HSF2BP: variants seen among roughly 807,000 people sequenced by gnomAD.
The protein encoded by HSF2BP is heat shock factor 2-binding protein.
HSF2BP carries 35 observed loss-of-function variants against 35.0 expected under a neutral mutation model. That is an observed-to-expected ratio of 1.00 (90% CI 0.76 to 1.32). The LOEUF is 1.32. Among genes scored for constraint, HSF2BP ranks in the 40% most tolerant of loss-of-function variants. The pLI is 0.00. For synonymous variants in HSF2BP, 114 were observed against 117.4 expected (o/e 0.97, Z 0.18); for missense variants, 326 against 321.7 (o/e 1.01, Z -0.10).
chr21:43,579,309 C>A (rs950109772), intron 8 of HSF2BP, among the ~76,000 whole-genome samples: 2 of 152,158 alleles, frequency 1.3e-5, no homozygotes, highest in Non-Finnish European at 2.9e-5. Context: ...ATGAAGAATT[C>A]ATGCAGAGTT....
chr21:43,602,295 T>C (rs1234021921), intron 7 of HSF2BP, among the ~76,000 whole-genome samples: 1 of 152,214 alleles, frequency 6.6e-6, no homozygotes, highest in African/African-American at 2.4e-5. Context: ...CTTCGAAAAA[T>C]GCAATCTGCA....
intron 7 of HSF2BP, among the ~76,000 whole-genome samples, chr21:43,610,161 C>T (rs1321881949): frequency 6.6e-6 from 1 of 152,006 alleles, no homozygotes; most frequent in East Asian, 1.9e-4. Context: ...AAAGTGGGCA[C>T]AAGACACAGA....
In HSF2BP at chr21:43,597,449, A is replaced by G. The variant is rs1001115254; in HGVS notation, c.693-5121T>C. The stretch of plus-strand genomic sequence containing the variant: ...GGAGTATCAAAATGCCCAGTGGCCC[A>G]TATTTTTAAAAATGTAATGCAATAT... On this transcript the variant is annotated intron_variant, in intron 7 of 8. Transcript: ENST00000291560. The surrounding 1 kb of genome is among the most constrained non-coding windows in gnomAD (Gnocchi z 4.3). Among the ~76,000 whole-genome samples the G allele has an allele frequency of 1.3e-5, 2 of 152,204 alleles. No individual in the cohort carries two copies. The highest frequency in any genetic ancestry group is 2.9e-5 in the Non-Finnish European group (2 of 68,024).
At chr21:43,595,468 G>A (rs1051582672) in intron 7 of HSF2BP, among the ~76,000 whole-genome samples, 6 of 152,020 alleles carry the variant, frequency 3.9e-5, no homozygotes, top group Admixed American at 6.6e-5. Context: ...AGGTCAGCCT[G>A]GGCAACATGG....
chr21:43,656,017 T>C (rs145706179), intron 3 of HSF2BP, among the ~76,000 whole-genome samples: 275 of 152,282 alleles, frequency 1.8e-3, no homozygotes, highest in African/African-American at 6.4e-3. Context: ...TTAATCATGA[T>C]TTGGCCTCAA....
intron 8 of HSF2BP, among the ~76,000 whole-genome samples, chr21:43,585,401 T>C (rs529578699): frequency 9.5e-4 from 145 of 152,316 alleles, no homozygotes; most frequent in Non-Finnish European, 1.8e-3. Context: ...ATCATACCCC[T>C]GGCTCCCAGT....
intron 8 of HSF2BP, among the ~76,000 whole-genome samples, chr21:43,574,971 GA>G (rs2081624165): frequency 6.6e-6 from 1 of 152,182 alleles, no homozygotes; most frequent in African/African-American, 2.4e-5. Context: ...TCCCAGGCCT[GA>G]CAGAACCCAC....
In HSF2BP at chr21:43,658,260, G is replaced by A; in HGVS notation, c.-164C>T. 2 of 805,916 alleles carry A rather than the reference G, an allele frequency of 2.5e-6. No individual in the cohort carries two copies. Among genetic ancestry groups the A allele is most frequent in the Non-Finnish European group, 3.7e-6 (2 of 536,492 alleles). 49.9% of individuals were successfully genotyped at this position (805,916 alleles called of 1,614,324 possible). ...GTATTCTCGGCCTAGAGAGCGAGGA[G>A]TGGCCTTGGCGAGGTCCCTCTTTGG... On this transcript the variant is annotated 5_prime_UTR_variant, in exon 2 of 9. Coordinates refer to ENST00000291560, the MANE Select transcript of HSF2BP (RefSeq NM_007031.2).
intron 7 of HSF2BP, among the ~76,000 whole-genome samples, chr21:43,607,047 G>C (rs1223484383): frequency 6.6e-6 from 1 of 152,168 alleles, no homozygotes; most frequent in African/African-American, 2.4e-5. Context: ...AGCACTTTGG[G>C]AAGAGCCAAG....
At chr21:43,601,741 T>C (rs540473067) in intron 7 of HSF2BP, among the ~76,000 whole-genome samples, 6 of 152,204 alleles carry the variant, frequency 3.9e-5, no homozygotes, top group Non-Finnish European at 5.9e-5. Flanking sequence ...CTTCCAGATA[T>C]TGACTTTTGT....
intron 3 of HSF2BP, among the ~76,000 whole-genome samples, chr21:43,648,492 C>G (rs536777861): frequency 6.6e-6 from 1 of 152,164 alleles, no homozygotes; most frequent in South Asian, 2.1e-4. Context: ...CGTTAGTTCC[C>G]GGATGCTTCT....
chr21:43,637,726 G>C (rs954172742), intron 4 of HSF2BP, among the ~76,000 whole-genome samples: 6 of 151,518 alleles, frequency 4.0e-5, no homozygotes, highest in Non-Finnish European at 8.8e-5. Context: ...GATCCTTTGG[G>C]CCCAGGAGTT....
chr21:43,636,876 C>T (rs2082566548), intron 4 of HSF2BP, among the ~76,000 whole-genome samples: 1 of 123,210 alleles, frequency 8.1e-6, no homozygotes, highest in Non-Finnish European at 1.6e-5. Context: ...TGGGCGAGAG[C>T]GAAACCCCGT....
chr21:43,582,475 T>G (rs1162057074), intron 8 of HSF2BP, among the ~76,000 whole-genome samples: 1 of 122,314 alleles, frequency 8.2e-6, no homozygotes, highest in South Asian at 2.8e-4. Context: ...CTGAGGGAGA[T>G]GAAGGGCCTG....
intron 6 of HSF2BP, among the ~76,000 whole-genome samples, chr21:43,626,883 TA>T (rs1301769463): frequency 0.044 from 6,117 of 140,434 alleles, 422 homozygotes; most frequent in African/African-American, 0.15. Flanking sequence ...TTTTTTTTTT[TA>T]AGAGACGGAG....
At chr21:43,634,468 T>C (rs1279351076) in intron 4 of HSF2BP, among the ~76,000 whole-genome samples, 1 of 152,216 alleles carries the variant, frequency 6.6e-6, no homozygotes, top group Non-Finnish European at 1.5e-5. Context: ...ATTAGTTACA[T>C]AAACCACAAA....
intron 6 of HSF2BP, among the ~76,000 whole-genome samples, chr21:43,616,844 T>C (rs2082277261): frequency 6.6e-6 from 1 of 151,488 alleles, no homozygotes; most frequent in South Asian, 2.1e-4. Context: ...GGCAGGAGAA[T>C]GGTGTGAACC....
chr21:43,602,746 A>G (rs928700547), intron 7 of HSF2BP, among the ~76,000 whole-genome samples: 2 of 152,218 alleles, frequency 1.3e-5, no homozygotes, highest in African/African-American at 4.8e-5. Context: ...ACCTCAGCTT[A>G]GTAAAAGCAG....
At chr21:43,633,653 G>T (rs766324114) in intron 4 of HSF2BP, among the ~76,000 whole-genome samples, 1 of 152,140 alleles carries the variant, frequency 6.6e-6, no homozygotes. Flanking sequence ...CCACATTATG[G>T]TTGATAAACC....
Sources: allele counts gnomAD v4.1 joint callset (sites outside exome capture counted in the v4.1 genomes callset), GRCh38; gene constraint gnomAD v4.1.1; non-coding constraint Gnocchi (gnomAD v3.1); transcripts MANE v1.5; gene names NCBI Gene and HGNC (gene_info 2026-07-23, HGNC 2026-07-21).